Variants in SLC14A2 observed in about 807,000 individuals in gnomAD.
The protein encoded by SLC14A2 is solute carrier family 14 member 2.
In SLC14A2, 91 loss-of-function variants were observed where a neutral mutation model predicts 104.6. The ratio of observed to expected loss-of-function variants is 0.87; its 90% CI spans 0.73 to 1.04. The LOEUF is 1.04. Among genes scored for constraint, SLC14A2 ranks in the 50% least tolerant of loss-of-function variants. The pLI is 0.00. For synonymous variants in SLC14A2, 476 were observed against 466.4 expected, an observed-to-expected ratio of 1.02 and a Z score of -0.27; for missense variants, 1,189 against 1,156.0, an observed-to-expected ratio of 1.03 and a Z score of -0.41.
chr18:45,240,091 C>CTTTTTT (rs763802776), intron 1 of SLC14A2, among the ~76,000 whole-genome samples: 37 of 89,648 alleles, frequency 4.1e-4, no homozygotes, highest in African/African-American at 1.4e-3. Flanking sequence ...GCAAATATCT[C>CTTTTTT]TTTTTTTTTT....
chr18:45,274,982 T>C (rs1231645167), intron 1 of SLC14A2, among the ~76,000 whole-genome samples: 3 of 152,226 alleles, frequency 2.0e-5, no homozygotes, highest in African/African-American at 7.2e-5. Context: ...GACTGAATTA[T>C]CTTTCTTAAG....
At chr18:45,542,805 C>T (rs555992218) in intron 2 of SLC14A2, among the ~76,000 whole-genome samples, 1 of 152,264 alleles carries the variant, frequency 6.6e-6, no homozygotes, top group East Asian at 1.9e-4. Context: ...CGAGTATCCA[C>T]CATTCGCTCA....
At chr18:45,179,680 T>G in the SLC14A2 span, among the ~76,000 whole-genome samples, 10 of 152,054 alleles carry the variant, frequency 6.6e-5, no homozygotes, top group Non-Finnish European at 8.8e-5. Flanking sequence ...CAGGTGAACT[T>G]AAACACAATT....
At chr18:45,233,181 G>A (rs1431280418) in intron 1 of SLC14A2, among the ~76,000 whole-genome samples, 1 of 152,184 alleles carries the variant, frequency 6.6e-6, no homozygotes, top group Non-Finnish European at 1.5e-5. Flanking sequence ...TGTTGCTGGA[G>A]AGGCTCACAC....
chr18:45,298,034 A>G (rs1167085626), intron 1 of SLC14A2, among the ~76,000 whole-genome samples: 2 of 152,366 alleles, frequency 1.3e-5, no homozygotes, highest in South Asian at 4.1e-4. Context: ...AAATGGAACA[A>G]TCCTTCAAAG....
At chr18:45,348,895 C>A (rs1355215454) in intron 1 of SLC14A2, among the ~76,000 whole-genome samples, 1 of 152,150 alleles carries the variant, frequency 6.6e-6, no homozygotes, top group Non-Finnish European at 1.5e-5. Context: ...CTCTGCCTTC[C>A]TTTTACATGG....
At chr18:45,528,493 A>G (rs2043631992) in intron 2 of SLC14A2, 2 of 152,034 alleles carry the variant, frequency 1.3e-5, no homozygotes, top group Admixed American at 1.3e-4. Context: ...TAAATCACAA[A>G]TAGTTGTTCT....
intron 1 of SLC14A2, among the ~76,000 whole-genome samples, chr18:45,403,453 A>G (rs2086117754): frequency 6.6e-6 from 1 of 152,216 alleles, no homozygotes; most frequent in Non-Finnish European, 1.5e-5. Flanking sequence ...CTTAGAGACA[A>G]CAATGGTGCT....
intron 9 of SLC14A2, among the ~76,000 whole-genome samples, chr18:45,643,564 G>A (rs146877035): frequency 1.3e-5 from 2 of 152,234 alleles, no homozygotes; most frequent in African/African-American, 4.8e-5. Flanking sequence ...ACAGGGTCTC[G>A]CACTGTTGCC....
intron 1 of SLC14A2, among the ~76,000 whole-genome samples, chr18:45,312,096 G>A (rs999233105): frequency 6.6e-6 from 1 of 152,190 alleles, no homozygotes; most frequent in African/African-American, 2.4e-5. Context: ...CTTACAAGCT[G>A]TGTGACTATG....
intron 2 of SLC14A2, among the ~76,000 whole-genome samples, chr18:45,533,298 G>A (rs1271987193): frequency 6.6e-6 from 1 of 152,148 alleles, no homozygotes; most frequent in Non-Finnish European, 1.5e-5. Flanking sequence ...TGTACCTCTG[G>A]TAGAATTCGG....
intron 2 of SLC14A2, among the ~76,000 whole-genome samples, chr18:45,605,643 TA>T (rs1426593808): frequency 2.0e-5 from 3 of 152,104 alleles, no homozygotes; most frequent in Non-Finnish European, 4.4e-5. Flanking sequence ...CACAAAATAT[TA>T]AAGATTTGGT....
chr18:45,561,584 A>G (rs1207672385), intron 2 of SLC14A2, among the ~76,000 whole-genome samples: 20 of 152,194 alleles, frequency 1.3e-4, no homozygotes, highest in Admixed American at 1.3e-3. Flanking sequence ...ACCAAGCAGA[A>G]ATAGTGAATG....
intron 1 of SLC14A2, among the ~76,000 whole-genome samples, chr18:45,622,107 G>A (rs1201366250): frequency 3.3e-5 from 5 of 152,306 alleles, no homozygotes; most frequent in Non-Finnish European, 7.4e-5. Flanking sequence ...GCTTTAAGCA[G>A]GGATCCAACA....
At chr18:45,434,291 C>A (rs969658455) in intron 1 of SLC14A2, among the ~76,000 whole-genome samples, 1 of 152,088 alleles carries the variant, frequency 6.6e-6, no homozygotes, top group Admixed American at 6.6e-5. Flanking sequence ...GTTGAGAGTC[C>A]CACTTACAAA....
At chr18:45,539,968 G>T (rs993445693) in intron 2 of SLC14A2, among the ~76,000 whole-genome samples, 1 of 152,080 alleles carries the variant, frequency 6.6e-6, no homozygotes, top group African/African-American at 2.4e-5. Flanking sequence ...GTGAAACAGG[G>T]AATGTCAAAA....
At chr18:45,247,604 T>C (rs2084379417) in intron 1 of SLC14A2, among the ~76,000 whole-genome samples, 1 of 152,144 alleles carries the variant, frequency 6.6e-6, no homozygotes, top group African/African-American at 2.4e-5. Context: ...TCAAGTGAGA[T>C]CTGTCATGCT....
At chr18:45,183,772 C>A in the SLC14A2 span, among the ~76,000 whole-genome samples, 1 of 151,438 alleles carries the variant, frequency 6.6e-6, no homozygotes, top group Non-Finnish European at 1.5e-5. Context: ...TGCTCTGTGG[C>A]TCAGGCTGGA....
intron 2 of SLC14A2, among the ~76,000 whole-genome samples, chr18:45,595,861 A>G (rs935533491): frequency 6.6e-6 from 1 of 152,196 alleles, no homozygotes; most frequent in South Asian, 2.1e-4. Context: ...TGATGTTCGG[A>G]GCGAACATCA....
Sources: allele counts gnomAD v4.1 joint callset (sites outside exome capture counted in the v4.1 genomes callset), GRCh38; gene constraint gnomAD v4.1.1; transcripts MANE v1.5; gene names NCBI Gene and HGNC (gene_info 2026-07-23, HGNC 2026-07-21).